Variants in DPP10 observed in about 807,000 individuals in gnomAD.
DPP10 encodes dipeptidyl peptidase like 10.
A neutral mutation model predicts 120.9 loss-of-function variants in DPP10; 33 were observed. The ratio of observed to expected loss-of-function variants is 0.27; its 90% CI spans 0.21 to 0.37. The LOEUF (loss-of-function observed/expected upper bound fraction) is 0.37, where lower values mean the gene tolerates loss of function less well. DPP10 is among the 10% of genes least tolerant of loss of function. The pLI, the probability that DPP10 is intolerant of heterozygous loss-of-function variation, is 1.00. For synonymous variants in DPP10, 337 were observed against 326.1 expected, an observed-to-expected ratio of 1.03 and a Z score of -0.36; for missense variants, 816 against 942.8, an observed-to-expected ratio of 0.87 and a Z score of 1.76.
chr2:114,510,766 T>C (rs1449445495), intron 1 of DPP10, among the ~76,000 whole-genome samples: 1 of 152,004 alleles, frequency 6.6e-6, no homozygotes, highest in East Asian at 1.9e-4. Context: ...TTCAACTGTT[T>C]GCCTTTAGGA....
At chr2:114,626,394 C>T (rs1193765079) in intron 1 of DPP10, among the ~76,000 whole-genome samples, 1 of 151,970 alleles carries the variant, frequency 6.6e-6, no homozygotes, top group East Asian at 1.9e-4. Context: ...TCTTTACTTT[C>T]AGAATTTAGA....
At chr2:115,535,168 T>C (rs893443623) in intron 5 of DPP10, among the ~76,000 whole-genome samples, 3 of 152,130 alleles carry the variant, frequency 2.0e-5, no homozygotes, top group African/African-American at 7.2e-5. Flanking sequence ...TTTGGTGTTT[T>C]AGACATGAAG....
chr2:115,056,854 C>A (rs951829543), intron 1 of DPP10, among the ~76,000 whole-genome samples: 2 of 152,130 alleles, frequency 1.3e-5, no homozygotes, highest in African/African-American at 2.4e-5. Flanking sequence ...TTACAACAAC[C>A]CTGCTCTTTT....
rs76904305 is a variant in DPP10, at chr2:114,917,139, A to G, written c.61-392100A>G. Among the ~76,000 whole-genome samples, 1,027 of 152,320 alleles carry G rather than the reference A, an allele frequency of 6.7e-3. 17 individuals carry two copies. Among genetic ancestry groups the G allele is most frequent in the African/African-American group, 0.024 (984 of 41,570 alleles). ...AGCAAAGTTTCACAATACAAAATCA[A>G]TACATGCAAATCAGGAGCATTTCTA... On this transcript the variant is annotated intron_variant, in intron 1 of 25. Coordinates refer to ENST00000410059, the MANE Select transcript of DPP10 (RefSeq NM_020868.6).
At chr2:115,493,497 T>C (rs1325690116) in intron 3 of DPP10, among the ~76,000 whole-genome samples, 1 of 146,392 alleles carries the variant, frequency 6.8e-6, no homozygotes, top group East Asian at 2.0e-4. Context: ...AGTAGTAAAA[T>C]AGTCACTGAA....
At chr2:115,723,619 T>TCTG (rs1341057282) in intron 7 of DPP10, among the ~76,000 whole-genome samples, 24 of 35,192 alleles carry the variant, frequency 6.8e-4, no homozygotes, top group Non-Finnish European at 1.5e-3. Flanking sequence ...GTTGTTGTTT[T>TCTG]TTGTTTTTTT....
At chr2:114,993,689 C>T (rs935846732) in intron 1 of DPP10, among the ~76,000 whole-genome samples, 3 of 150,190 alleles carry the variant, frequency 2.0e-5, no homozygotes, top group Non-Finnish European at 4.4e-5. Flanking sequence ...ACAGAGCGTG[C>T]ATATGCTTGC....
At chr2:114,508,096 T>C (rs564165391) in intron 1 of DPP10, among the ~76,000 whole-genome samples, 81 of 152,314 alleles carry the variant, frequency 5.3e-4, no homozygotes, top group African/African-American at 1.8e-3. Context: ...CTTTGTTTCT[T>C]TCTGAGGCAT....
intron 1 of DPP10, among the ~76,000 whole-genome samples, chr2:114,532,156 T>C (rs1436196150): frequency 6.7e-6 from 1 of 150,124 alleles, no homozygotes. Flanking sequence ...TCAGACTGAG[T>C]TACACCACCA....
intron 1 of DPP10, among the ~76,000 whole-genome samples, chr2:114,780,079 T>A (rs1374037455): frequency 6.6e-6 from 1 of 151,778 alleles, no homozygotes; most frequent in Non-Finnish European, 1.5e-5. Context: ...TAGCTTGCAG[T>A]GAGCCGAGAT....
chr2:114,742,318 A>C (rs1431346982), intron 1 of DPP10, among the ~76,000 whole-genome samples: 1 of 152,212 alleles, frequency 6.6e-6, no homozygotes, highest in Non-Finnish European at 1.5e-5. Flanking sequence ...AAAAAAATTA[A>C]AAAGGAAAAA....
intron 5 of DPP10, among the ~76,000 whole-genome samples, chr2:115,664,049 C>T (rs1239985405): frequency 6.6e-6 from 1 of 151,544 alleles, no homozygotes; most frequent in Non-Finnish European, 1.5e-5. Context: ...TATCTACATT[C>T]ACACTTTATA....
At chr2:115,833,955 C>T (rs2150110217) in intron 21 of DPP10, among the ~76,000 whole-genome samples, 1 of 152,208 alleles carries the variant, frequency 6.6e-6, no homozygotes, top group Middle Eastern at 3.4e-3. Context: ...TAGGTTAATA[C>T]ATTTACCTAC....
chr2:115,060,061 C>T (rs920560736), intron 1 of DPP10, among the ~76,000 whole-genome samples: 1 of 152,004 alleles, frequency 6.6e-6, no homozygotes, highest in Non-Finnish European at 1.5e-5. Flanking sequence ...CTCCCTCTCT[C>T]ACTATTGTAA....
At chr2:115,483,481 G>C (rs1375145) in intron 3 of DPP10, among the ~76,000 whole-genome samples, 1 of 58,818 alleles carries the variant, frequency 1.7e-5, no homozygotes, top group East Asian at 4.0e-4. Context: ...CTATCTATCT[G>C]TATGTGTATG....
intron 5 of DPP10, among the ~76,000 whole-genome samples, chr2:115,558,112 GTACTTGTCC>G (rs2149034107): frequency 6.6e-6 from 1 of 152,182 alleles, no homozygotes; most frequent in East Asian, 1.9e-4. Flanking sequence ...ACCCAAAATG[GTACTTGTCC>G]TATTTCACCC....
chr2:114,721,245 T>C (rs1416016744), intron 1 of DPP10, among the ~76,000 whole-genome samples: 1 of 152,212 alleles, frequency 6.6e-6, no homozygotes, highest in Non-Finnish European at 1.5e-5. Flanking sequence ...CTACTTACTT[T>C]GCAGATTTGC....
chr2:114,802,065 A>G (rs931830081), intron 1 of DPP10, among the ~76,000 whole-genome samples: 2 of 152,224 alleles, frequency 1.3e-5, no homozygotes, highest in African/African-American at 4.8e-5. Context: ...AAGCTCAAGA[A>G]TCAGTCTAGG....
intron 21 of DPP10, 39 bp from the exon 22 acceptor site, chr2:115,836,116 TGA>T (rs2150119546): frequency 1.4e-6 from 1 of 689,790 alleles, no homozygotes; most frequent in Non-Finnish European, 2.0e-6. Flanking sequence ...TGTGTGTGTG[TGA>T]GATATATATA....
Sources: gnomAD v4.1 joint callset for allele counts (sites outside exome capture counted in the v4.1 genomes callset) on GRCh38, gnomAD v4.1.1 for gene constraint, MANE v1.5 for transcripts, NCBI Gene and HGNC (gene_info 2026-07-23, HGNC 2026-07-21) for gene names.